Variants in KCNH5 observed in about 807,000 individuals in gnomAD.
KCNH5 encodes the protein potassium voltage-gated channel subfamily H member 5.
Under a neutral mutation model 96.1 loss-of-function variants are expected in KCNH5, and 46 were observed. The ratio of observed to expected loss-of-function variants is 0.48; its 90% CI spans 0.38 to 0.61. The LOEUF (loss-of-function observed/expected upper bound fraction) is 0.61, where lower values mean the gene tolerates loss of function less well. Among genes scored for constraint, KCNH5 ranks in the 20% least tolerant of loss-of-function variants. The pLI is 0.00. For synonymous variants in KCNH5, 439 were observed against 449.8 expected (o/e 0.98, Z 0.30); for missense variants, 907 against 1,225.8 (o/e 0.74, Z 3.88).
intron 10 of KCNH5, among the ~76,000 whole-genome samples, chr14:62,749,258 A>G (rs774100675): frequency 8.5e-5 from 13 of 152,226 alleles, no homozygotes; most frequent in Non-Finnish European, 1.9e-4. Context: ...TTTCTTCTGA[A>G]CAGGAGTCGA....
intron 7 of KCNH5, among the ~76,000 whole-genome samples, chr14:62,940,592 CT>C (rs2140122885): frequency 1.3e-5 from 2 of 152,324 alleles, no homozygotes; most frequent in East Asian, 3.9e-4. Flanking sequence ...TTCACATCTA[CT>C]TTCCACTCAA....
intron 3 of KCNH5, among the ~76,000 whole-genome samples, chr14:63,004,363 G>A (rs1163454231): frequency 6.6e-6 from 1 of 152,126 alleles, no homozygotes; most frequent in East Asian, 1.9e-4. Context: ...CAGAAAGGAG[G>A]CACAAGTTTT....
intron 10 of KCNH5, among the ~76,000 whole-genome samples, chr14:62,744,221 G>T (rs1201885986): frequency 6.6e-6 from 1 of 152,116 alleles, no homozygotes; most frequent in Non-Finnish European, 1.5e-5. Flanking sequence ...AAAGACTTTA[G>T]TTCCAGGACT....
chr14:62,962,168 T>A lies in KCNH5; in HGVS notation c.943-11609A>T, dbSNP rs559110915. On this transcript the variant is annotated intron_variant, in intron 6 of 10. Transcript: ENST00000322893. ...GAGATGAGAAGGCACCCAGCCATCC[T>A]GAATCTTCTATGAAAATGAAAATGT... Among the ~76,000 whole-genome samples, 17 of 152,288 alleles carry A rather than the reference T, an allele frequency of 1.1e-4. No individual in the cohort carries two copies. The South Asian group carries it at 3.5e-3, about 32-fold the overall frequency.
At chr14:62,954,317 A>T (rs1013494772) in intron 6 of KCNH5, among the ~76,000 whole-genome samples, 2 of 152,072 alleles carry the variant, frequency 1.3e-5, no homozygotes, top group African/African-American at 4.8e-5. Context: ...CCTTTATGTT[A>T]TCATACAGTT....
intron 9 of KCNH5, among the ~76,000 whole-genome samples, chr14:62,799,419 C>A (rs1010931107): frequency 6.6e-6 from 1 of 150,956 alleles, no homozygotes; most frequent in Non-Finnish European, 1.5e-5. Flanking sequence ...GCTAAAAATA[C>A]AAAATTAGCC....
intron 7 of KCNH5, among the ~76,000 whole-genome samples, chr14:62,864,635 C>A (rs527874451): frequency 6.6e-6 from 1 of 152,136 alleles, no homozygotes; most frequent in Non-Finnish European, 1.5e-5. Context: ...GTGATGGTAA[C>A]AGATGTTTAT....
chr14:62,930,058 T>C (rs1459813342), intron 7 of KCNH5, among the ~76,000 whole-genome samples: 1 of 152,156 alleles, frequency 6.6e-6, no homozygotes, highest in African/African-American at 2.4e-5. Context: ...GTTGATTCCA[T>C]GTCTTTGTTA....
chr14:62,971,804 TAAA>T (rs201465552), intron 6 of KCNH5, among the ~76,000 whole-genome samples: 2 of 147,966 alleles, frequency 1.4e-5, no homozygotes, highest in Admixed American at 6.7e-5. Flanking sequence ...ATAGCCAAAT[TAAA>T]AAAAAAAGTG....
chr14:62,989,349 T>G (rs1890768235), intron 4 of KCNH5, among the ~76,000 whole-genome samples: 3 of 152,070 alleles, frequency 2.0e-5, no homozygotes, highest in African/African-American at 7.2e-5. Flanking sequence ...ACACATGCTC[T>G]GCATCCCAGC....
chr14:62,845,211 C>T lies in KCNH5; in HGVS notation c.1569+4442G>A, dbSNP rs1332396243. Among the ~76,000 whole-genome samples, 7 of 152,086 alleles carry T rather than the reference C, an allele frequency of 4.6e-5. No individual in the cohort carries two copies. In the East Asian group the frequency reaches 5.8e-4, roughly 13 times the overall value. On this transcript the variant is annotated intron_variant, in intron 8 of 10. Coordinates refer to ENST00000322893, the MANE Select transcript of KCNH5 (RefSeq NM_139318.5). Reference sequence around the variant, plus strand: ...GGAACAGGAAGTCTAACAGAGGTCTCGAACATTAAATACTGGGTGATTGTT... The same window carrying T: ...GGAACAGGAAGTCTAACAGAGGTCTTGAACATTAAATACTGGGTGATTGTT...
chr14:62,926,432 G>A (rs1429251659), intron 7 of KCNH5, among the ~76,000 whole-genome samples: 2 of 151,952 alleles, frequency 1.3e-5, no homozygotes, highest in Non-Finnish European at 2.9e-5. Flanking sequence ...ACACACACAT[G>A]CACACGCATA....
At chr14:62,906,547 G>A (rs1230626387) in intron 7 of KCNH5, among the ~76,000 whole-genome samples, 1 of 151,912 alleles carries the variant, frequency 6.6e-6, no homozygotes, top group African/African-American at 2.4e-5. Context: ...TAAAAAAAAG[G>A]TCAGATACTA....
At chr14:62,953,614 C>T (rs1304646368) in intron 6 of KCNH5, among the ~76,000 whole-genome samples, 14 of 152,274 alleles carry the variant, frequency 9.2e-5, no homozygotes, top group African/African-American at 1.4e-4. Flanking sequence ...AGACCTGGGG[C>T]GAAGCCTCAA....
At chr14:62,868,011 T>A (rs567951036) in intron 7 of KCNH5, among the ~76,000 whole-genome samples, 1 of 152,364 alleles carries the variant, frequency 6.6e-6, no homozygotes, top group Middle Eastern at 3.4e-3. Context: ...TGACGCTCTC[T>A]CCAAAATGTA....
intron 7 of KCNH5, among the ~76,000 whole-genome samples, chr14:62,909,030 G>GTTTTTTTTT (rs1566703759): frequency 2.0e-5 from 2 of 100,772 alleles, no homozygotes; most frequent in African/African-American, 8.0e-5. Flanking sequence ...ACTATGCTAC[G>GTTTTTTTTT]TATTTTTTTT....
At chr14:62,741,427 T>C (rs1885268991) in intron 10 of KCNH5, among the ~76,000 whole-genome samples, 1 of 152,140 alleles carries the variant, frequency 6.6e-6, no homozygotes, top group African/African-American at 2.4e-5. Flanking sequence ...AGCACACTTT[T>C]AATAAACCGA....
chr14:62,933,249 T>A (rs1419879143), intron 7 of KCNH5, among the ~76,000 whole-genome samples: 4 of 151,686 alleles, frequency 2.6e-5, no homozygotes, highest in Non-Finnish European at 5.9e-5. Context: ...CATAAGAAAC[T>A]AAGAAAAAAA....
chr14:62,799,680 T>G (rs187329284), intron 9 of KCNH5, among the ~76,000 whole-genome samples: 1 of 117,144 alleles, frequency 8.5e-6, no homozygotes, highest in Admixed American at 1.0e-4. Flanking sequence ...ATCTTTTCTA[T>G]GTATATACCT....
Sources: allele counts gnomAD v4.1 joint callset (sites outside exome capture counted in the v4.1 genomes callset), GRCh38; gene constraint gnomAD v4.1.1; transcripts MANE v1.5; gene names NCBI Gene and HGNC (gene_info 2026-07-23, HGNC 2026-07-21).